The following STK33 variants were observed in gnomAD, a reference collection of about 807,000 sequenced individuals.
STK33 encodes the protein serine/threonine kinase 33, also known as serine/threonine-protein kinase 33.
STK33 carries 52 observed loss-of-function variants against 58.0 expected under a neutral mutation model. The observed-to-expected ratio is 0.90, with a 90% confidence interval of 0.72 to 1.13. The LOEUF (loss-of-function observed/expected upper bound fraction) is 1.13. Among genes scored for constraint, STK33 ranks in the 50% most tolerant of loss-of-function variants. STK33 has a pLI of 0.00. For synonymous variants in STK33, 215 were observed against 200.1 expected, an observed-to-expected ratio of 1.07 and a Z score of -0.63; for missense variants, 630 against 604.2, an observed-to-expected ratio of 1.04 and a Z score of -0.45.
intron 1 of STK33, among the ~76,000 whole-genome samples, chr11:8,574,179 T>C (rs1440143504): frequency 6.6e-6 from 1 of 152,146 alleles, no homozygotes; most frequent in Non-Finnish European, 1.5e-5. Flanking sequence ...TAAAATTGCA[T>C]ACAACTATAT....
intron 1 of STK33, among the ~76,000 whole-genome samples, chr11:8,530,944 G>GACGA (rs201225709): frequency 6.6e-6 from 1 of 151,586 alleles, no homozygotes; most frequent in Non-Finnish European, 1.5e-5. Flanking sequence ...GCCCACCTCA[G>GACGA]TCTCCCAAAG....
chr11:8,353,692 G>A, the STK33 span, among the ~76,000 whole-genome samples: 1 of 152,144 alleles, frequency 6.6e-6, no homozygotes, highest in Admixed American at 6.5e-5. Context: ...AAATAGAGGG[G>A]GTCTTCCTCG....
chr11:8,449,746 T>C (rs1387608215), intron 11 of STK33, among the ~76,000 whole-genome samples: 2 of 152,048 alleles, frequency 1.3e-5, no homozygotes, highest in Non-Finnish European at 2.9e-5. Flanking sequence ...AACCTGCACG[T>C]TGTGCACATG....
intron 1 of STK33, among the ~76,000 whole-genome samples, chr11:8,538,729 A>G (rs1955252036): frequency 6.6e-6 from 1 of 152,234 alleles, no homozygotes; most frequent in Non-Finnish European, 1.5e-5. Context: ...GTGCTCAACG[A>G]ATGCTTGTTG....
intron 1 of STK33, chr11:8,580,889 C>G (rs1565412936): frequency 6.6e-6 from 1 of 152,162 alleles, no homozygotes; most frequent in African/African-American, 2.4e-5. Flanking sequence ...CTTAGCACTT[C>G]ATCGTGGGTT....
the STK33 span, among the ~76,000 whole-genome samples, chr11:8,385,337 G>C: frequency 6.6e-6 from 1 of 152,114 alleles, no homozygotes; most frequent in Non-Finnish European, 1.5e-5. Context: ...AGAATAAAAG[G>C]GTTTCTTCCT....
intron 1 of STK33, among the ~76,000 whole-genome samples, chr11:8,559,289 A>T (rs577890436): frequency 6.8e-4 from 104 of 152,278 alleles, no homozygotes; most frequent in South Asian, 6.2e-4. Context: ...ACCAAAGCAC[A>T]AAGCCAACAA....
At chr11:8,374,024 G>A in the STK33 span, among the ~76,000 whole-genome samples, 3 of 152,296 alleles carry the variant, frequency 2.0e-5, no homozygotes, top group Middle Eastern at 3.4e-3. Flanking sequence ...TTATGTAAGC[G>A]CCAAAGTTAT....
chr11:8,426,260 C>G (rs982840730), intron 14 of STK33, among the ~76,000 whole-genome samples: 20 of 152,350 alleles, frequency 1.3e-4, no homozygotes, highest in Non-Finnish European at 1.8e-4. Context: ...TCTCCTCCAA[C>G]TGCCCCAGCC....
intron 1 of STK33, among the ~76,000 whole-genome samples, chr11:8,520,420 T>C (rs1953299869): frequency 6.6e-6 from 1 of 152,124 alleles, no homozygotes; most frequent in African/African-American, 2.4e-5. Flanking sequence ...AGCATTCCCT[T>C]TGAAAACTGG....
At chr11:8,405,107 G>T (rs1938872479) in intron 15 of STK33, among the ~76,000 whole-genome samples, 1 of 152,148 alleles carries the variant, frequency 6.6e-6, no homozygotes, top group Non-Finnish European at 1.5e-5. Context: ...TTGCAATCCA[G>T]CCTGGGTGAC....
chr11:8,506,067 A>G (rs991175478), intron 1 of STK33, among the ~76,000 whole-genome samples: 2 of 152,224 alleles, frequency 1.3e-5, no homozygotes, highest in Non-Finnish European at 2.9e-5. Flanking sequence ...GGGCACTTCC[A>G]GAGAAGGGGA....
intron 14 of STK33, among the ~76,000 whole-genome samples, chr11:8,423,178 ATTTAT>A (rs1010448179): frequency 7.4e-5 from 11 of 147,966 alleles, no homozygotes; most frequent in Admixed American, 2.7e-4. Flanking sequence ...CCAAAGATTT[ATTTAT>A]TTTGTTTTTT....
chr11:8,588,475 A>T (rs1248659866), intron 1 of STK33, among the ~76,000 whole-genome samples: 3 of 152,250 alleles, frequency 2.0e-5, no homozygotes, highest in Non-Finnish European at 4.4e-5. Context: ...GAATAGCTAC[A>T]CATAAAAGAA....
chr11:8,490,002 A>G (rs1258365299), intron 1 of STK33, among the ~76,000 whole-genome samples: 1 of 152,222 alleles, frequency 6.6e-6, no homozygotes, highest in African/African-American at 2.4e-5. Context: ...ACTGTGATCA[A>G]CGCAGAAGAT....
chr11:8,526,401 A>G (rs992975778), intron 1 of STK33, among the ~76,000 whole-genome samples: 1 of 152,152 alleles, frequency 6.6e-6, no homozygotes, highest in African/African-American at 2.4e-5. Context: ...CAAAAAAAAA[A>G]AAGAAAGTTA....
At chr11:8,472,621 G>C (rs537556406) in intron 6 of STK33, among the ~76,000 whole-genome samples, 263 of 152,224 alleles carry the variant, frequency 1.7e-3, no homozygotes, top group Non-Finnish European at 3.3e-3. Context: ...TTTTCTTCTT[G>C]TTGTGGTTGT....
chr11:8,589,437 A>G (rs116133113), intron 1 of STK33, among the ~76,000 whole-genome samples: 2,225 of 152,306 alleles, frequency 0.015, 49 homozygotes, highest in African/African-American at 0.051. Context: ...AATTCCATTT[A>G]TATAAAATTT....
At chr11:8,550,759 G>C (rs2140556943) in intron 1 of STK33, among the ~76,000 whole-genome samples, 1 of 152,210 alleles carries the variant, frequency 6.6e-6, no homozygotes, top group South Asian at 2.1e-4. Flanking sequence ...ATCACCTTCA[G>C]CATTTTGGGC....
Sources: gnomAD v4.1 joint callset for allele counts (sites outside exome capture counted in the v4.1 genomes callset) on GRCh38, gnomAD v4.1.1 for gene constraint, MANE v1.5 for transcripts, NCBI Gene and HGNC (gene_info 2026-07-23, HGNC 2026-07-21) for gene names.